The following CD6 variants were observed in gnomAD, a reference collection of about 807,000 sequenced individuals.
CD6 encodes the protein CD6 molecule.
In CD6, 53 loss-of-function variants were observed where a neutral mutation model predicts 75.3. The observed-to-expected ratio is 0.70, with a 90% CI of 0.56 to 0.88. The LOEUF (loss-of-function observed/expected upper bound fraction) is 0.88. Among genes scored for constraint, CD6 ranks in the 40% least tolerant of loss-of-function variants. The pLI is 0.00. For synonymous variants in CD6, 359 were observed against 381.5 expected (o/e 0.94, Z 0.69); for missense variants, 770 against 897.1 (o/e 0.86, Z 1.81).
At chr11:61,000,286 G>C (rs1382197292) in intron 1 of CD6, among the ~76,000 whole-genome samples, 1 of 150,338 alleles carries the variant, frequency 6.7e-6, no homozygotes, top group African/African-American at 2.5e-5. Context: ...AAGGCTGTTG[G>C]CATCTGTGTT....
At position 61,018,028 on chromosome 11, in the gene CD6, C is replaced by T; in HGVS notation, c.1837+15C>T. On this transcript the variant is annotated intron_variant, in intron 11 of 12. Coordinates refer to ENST00000313421, the MANE Select transcript of CD6 (RefSeq NM_006725.5). ...AGCCTTTTCAGGTAAGCTGTGCCTC[C>T]CCCAAACCCCCATCCCATAGCCAGC... 1 of 1,608,250 alleles carries T rather than the reference C, an allele frequency of 6.2e-7. No homozygotes were observed. The highest frequency in any genetic ancestry group is 1.1e-5 in the South Asian group (1 of 90,812).
At chr11:60,999,770 G>T (rs1289206413) in intron 1 of CD6, among the ~76,000 whole-genome samples, 1 of 152,046 alleles carries the variant, frequency 6.6e-6, no homozygotes, top group Non-Finnish European at 1.5e-5. Context: ...CACAGGGTCG[G>T]GTTCTGTGGC....
In CD6 at chr11:61,017,979, C is replaced by A. The variant is rs768425415; in HGVS notation, c.1803C>A (p.Asn601Lys). 1 of 1,612,558 alleles carries A rather than the reference C, an allele frequency of 6.2e-7. No individual in the cohort carries two copies. The highest frequency in any genetic ancestry group is 8.5e-7 in the Non-Finnish European group (1 of 1,179,814). ...GTTCCTTCCTGGAGCAGCCCCCAAA[C>A]TTGGAGCTGGCCGGCACCCAGCCAG... Reference protein sequence around the residue: ...ERSSFLEQPPNLELAGTQPAF... With the variant: ...ERSSFLEQPPKLELAGTQPAF... The change falls in exon 11 of 13, where the codon AAC becomes AAA. Residue 601 changes from asparagine to lysine, a missense_variant. Coordinates refer to ENST00000313421, the MANE Select transcript of CD6 (RefSeq NM_006725.5).
intron 1 of CD6, among the ~76,000 whole-genome samples, chr11:60,992,809 C>T (rs546586711): frequency 6.6e-6 from 1 of 152,022 alleles, no homozygotes; most frequent in South Asian, 2.1e-4. Flanking sequence ...GCCTCGGCGA[C>T]AGTGTGAGAC....
At chr11:60,973,776 T>C (rs1241714022) in intron 1 of CD6, among the ~76,000 whole-genome samples, 1 of 152,160 alleles carries the variant, frequency 6.6e-6, no homozygotes, top group Non-Finnish European at 1.5e-5. Context: ...TTCCTCACTC[T>C]GCGATTTCAG....
chr11:61,018,136 T>C, intron 11 of CD6, 123 bp downstream of exon 11: 4 of 1,370,492 alleles, frequency 2.9e-6, no homozygotes, highest in Non-Finnish European at 4.0e-6. Flanking sequence ...ATTCGCTGTG[T>C]GCCCTTGGAC....
Position 60,971,770 on chromosome 11 carries a change from T to C in CD6, c.-96T>C. The C allele has an allele frequency of 7.9e-7, 1 of 1,260,356 alleles. No homozygotes were observed. Among genetic ancestry groups the C allele is most frequent in the Non-Finnish European group, 1.1e-6 (1 of 878,422 alleles). The allele number at this position is 1,260,356 out of a possible 1,614,324, so 78.1% of individuals were successfully genotyped here. ...AGAACAGCAAAGGGTAGAGCAGACCTGCGCCAGGGGCGCACAACGGCCGTG... is the reference window on the plus strand; with the variant it reads ...AGAACAGCAAAGGGTAGAGCAGACCCGCGCCAGGGGCGCACAACGGCCGTG... On this transcript the variant is annotated 5_prime_UTR_variant, in exon 1 of 13. Coordinates refer to ENST00000313421, the MANE Select transcript of CD6 (RefSeq NM_006725.5).
chr11:61,013,770 G>A, intron 7 of CD6, 149 bp from the exon 8 acceptor site: 1 of 724,692 alleles, frequency 1.4e-6, no homozygotes, highest in Non-Finnish European at 2.3e-6. Flanking sequence ...GTGTGCCTGT[G>A]TTTGTGTGTG....
At chr11:60,986,132 G>C (rs568994384) in intron 1 of CD6, among the ~76,000 whole-genome samples, 6 of 152,294 alleles carry the variant, frequency 3.9e-5, no homozygotes, top group Admixed American at 3.9e-4. Context: ...CCCAATGCTA[G>C]CTGAAAATTC....
At chr11:61,015,522 G>C in intron 8 of CD6, 191 bp from the exon 9 acceptor site, 1 of 638,062 alleles carries the variant, frequency 1.6e-6, no homozygotes, top group Admixed American at 2.9e-5. Context: ...AGTGAGCTGT[G>C]ATGGCACCAC....
At chr11:61,004,413 CCA>C (rs1858747503) in intron 1 of CD6, 1 of 152,176 alleles carries the variant, frequency 6.6e-6, no homozygotes, top group African/African-American at 2.4e-5. Context: ...AATACATCAG[CCA>C]CAGAGTTTAT....
At chr11:60,985,607 CAA>C (rs1192833477) in intron 1 of CD6, among the ~76,000 whole-genome samples, 1 of 151,762 alleles carries the variant, frequency 6.6e-6, no homozygotes, top group Non-Finnish European at 1.5e-5. Context: ...ACACTGAAAC[CAA>C]AAGTGTCATT....
rs570204315 is a variant in CD6 at position 61,017,928 on chromosome 11, C to G, written c.1752C>G (p.Asn584Lys). The G allele has an allele frequency of 2.5e-6, 4 of 1,613,960 alleles. No homozygotes were observed. In the South Asian group the frequency reaches 4.4e-5, roughly 18 times the overall value. ...NSPKSKLPPW[N>K]PQVFSSERSS... Reference sequence around the variant, plus strand: ...CCAAAAGCAAGCTGCCTCCATGGAACCCCCAGGTGTTTTCTTCAGAGAGGA... The same window carrying G: ...CCAAAAGCAAGCTGCCTCCATGGAAGCCCCAGGTGTTTTCTTCAGAGAGGA... Residue 584 changes from asparagine (N) to lysine (K), a missense_variant, in exon 11 of 13, where the codon AAC (asparagine) becomes AAG (lysine). Asn to Lys is a moderately conservative substitution (Grantham distance 94). Transcript: ENST00000313421.
chr11:61,015,235 C>T (rs187150012), intron 8 of CD6, among the ~76,000 whole-genome samples: 327 of 152,248 alleles, frequency 2.1e-3, no homozygotes, highest in African/African-American at 7.7e-3. Context: ...TGGAAATGAA[C>T]GAAGGCAGCC....
intron 1 of CD6, among the ~76,000 whole-genome samples, chr11:60,982,448 C>G (rs1857607221): frequency 6.6e-6 from 1 of 152,184 alleles, no homozygotes; most frequent in Non-Finnish European, 1.5e-5. Flanking sequence ...GGATGTTTAT[C>G]TGCACTTCAG....
At position 61,019,388 on chromosome 11, in the gene CD6, C is replaced by T; in HGVS notation, c.*70C>T. On this transcript the variant is annotated 3_prime_UTR_variant, in exon 13 of 13. Coordinates refer to ENST00000313421, the MANE Select transcript of CD6 (RefSeq NM_006725.5). ...CTCCTGCTCTACCTACTCCCTTTCC[C>T]CTTTCCCACCCTCCCAGCTCACCTC... is the stretch of plus-strand genomic sequence containing the variant. The T allele has an allele frequency of 1.7e-6, 2 of 1,207,402 alleles. No individual in the cohort carries two copies. Among genetic ancestry groups the T allele is most frequent in the Non-Finnish European group, 2.4e-6 (2 of 849,142 alleles). 74.8% of individuals were successfully genotyped at this position (1,207,402 alleles called of 1,614,324 possible).
chr11:60,975,446 G>A (rs928295023), intron 1 of CD6, among the ~76,000 whole-genome samples: 1 of 152,180 alleles, frequency 6.6e-6, no homozygotes, highest in Non-Finnish European at 1.5e-5. Context: ...TTTTTGATAT[G>A]ATGGGCTAAA....
intron 1 of CD6, among the ~76,000 whole-genome samples, chr11:61,006,282 A>T (rs1358406222): frequency 6.6e-6 from 1 of 152,198 alleles, no homozygotes; most frequent in Non-Finnish European, 1.5e-5. Flanking sequence ...TCACGAAGCC[A>T]CTTTGTGTGT....
chr11:61,015,939 T>C, intron 9 of CD6, 104 bp downstream of exon 9: 6 of 1,377,168 alleles, frequency 4.4e-6, no homozygotes, highest in Non-Finnish European at 5.0e-6. Context: ...CCCTGCATGA[T>C]GCAGACAGAA....
Sources: gnomAD v4.1 joint callset for allele counts (sites outside exome capture counted in the v4.1 genomes callset) on GRCh38, gnomAD v4.1.1 for gene constraint, MANE v1.5 for transcripts, NCBI Gene and HGNC (gene_info 2026-07-23, HGNC 2026-07-21) for gene names.